Variants in LRRC4C observed in about 807,000 individuals in gnomAD.
LRRC4C encodes leucine rich repeat containing 4C, also known as leucine-rich repeat-containing protein 4C.
In LRRC4C, 5 loss-of-function variants were observed where a neutral mutation model predicts 33.6. That is an observed-to-expected ratio of 0.15 (90% CI 0.08 to 0.31). The LOEUF (loss-of-function observed/expected upper bound fraction) is 0.31. Among genes scored for constraint, LRRC4C ranks in the 10% least tolerant of loss-of-function variants. The pLI, the probability that LRRC4C is intolerant of heterozygous loss-of-function variation, is 1.00. For missense variants in LRRC4C, 560 were observed against 796.7 expected (o/e 0.70, Z 3.58); for synonymous variants, 329 against 302.0 (o/e 1.09, Z -0.93).
At chr11:40,417,224 G>A (rs1383275891) in intron 3 of LRRC4C, among the ~76,000 whole-genome samples, 3 of 152,112 alleles carry the variant, frequency 2.0e-5, no homozygotes, top group African/African-American at 7.2e-5. Context: ...CCGTAGTATG[G>A]TTTGATTATT....
At chr11:41,180,777 T>A (rs1945411245) in intron 1 of LRRC4C, among the ~76,000 whole-genome samples, 1 of 152,126 alleles carries the variant, frequency 6.6e-6, no homozygotes, top group Non-Finnish European at 1.5e-5. Context: ...TACAGATCTC[T>A]GTCCTGTTAG....
chr11:40,128,552 T>C (rs1168954962), intron 6 of LRRC4C, among the ~76,000 whole-genome samples: 3 of 152,214 alleles, frequency 2.0e-5, no homozygotes, highest in Admixed American at 2.0e-4. Context: ...ATGTTCATGC[T>C]ATTCTTTTAG....
chr11:40,702,175 T>C (rs1276088118), intron 2 of LRRC4C, among the ~76,000 whole-genome samples: 1 of 152,058 alleles, frequency 6.6e-6, no homozygotes, highest in Non-Finnish European at 1.5e-5. Context: ...CACAAGTATA[T>C]ATATATAATT....
At chr11:40,521,951 T>G (rs1955834088) in intron 3 of LRRC4C, among the ~76,000 whole-genome samples, 1 of 152,182 alleles carries the variant, frequency 6.6e-6, no homozygotes, top group Non-Finnish European at 1.5e-5. Flanking sequence ...CCCATTATGG[T>G]AAACATTTGC....
intron 1 of LRRC4C, among the ~76,000 whole-genome samples, chr11:41,455,221 AGT>A (rs952914950): frequency 3.9e-5 from 6 of 152,096 alleles, no homozygotes; most frequent in Admixed American, 3.3e-4. Context: ...ATAATTCCCA[AGT>A]GTAACTCAAA....
chr11:41,191,846 C>T (rs1238018925), intron 1 of LRRC4C, among the ~76,000 whole-genome samples: 4 of 152,108 alleles, frequency 2.6e-5, no homozygotes, highest in African/African-American at 7.2e-5. Flanking sequence ...GGGCACAGAT[C>T]CTAACTTTGG....
chr11:41,214,373 G>C (rs1443624196), intron 1 of LRRC4C, among the ~76,000 whole-genome samples: 1 of 151,802 alleles, frequency 6.6e-6, no homozygotes, highest in Admixed American at 6.6e-5. Context: ...CACCTTGCCT[G>C]GTTCTTAAAC....
intron 1 of LRRC4C, among the ~76,000 whole-genome samples, chr11:41,105,295 A>T (rs979198258): frequency 1.3e-5 from 2 of 152,016 alleles, no homozygotes; most frequent in Non-Finnish European, 2.9e-5. Context: ...ATTATTCTGA[A>T]TGCAGTCTAA....
chr11:41,078,935 C>T, intron 1 of LRRC4C, among the ~76,000 whole-genome samples: 1 of 152,186 alleles, frequency 6.6e-6, no homozygotes, highest in East Asian at 1.9e-4. Context: ...ATTGCAATAA[C>T]CTCCTAAAGT....
intron 2 of LRRC4C, among the ~76,000 whole-genome samples, chr11:40,798,103 G>A (rs1381549697): frequency 6.6e-6 from 1 of 152,140 alleles, no homozygotes; most frequent in African/African-American, 2.4e-5. Context: ...TTACTTGAAA[G>A]AGTCCCTGTT....
At chr11:41,055,976 G>T (rs1285458194) in intron 1 of LRRC4C, among the ~76,000 whole-genome samples, 2 of 152,042 alleles carry the variant, frequency 1.3e-5, no homozygotes, top group Non-Finnish European at 2.9e-5. Context: ...TTTCTTTCAG[G>T]TTATTCCACT....
chr11:40,249,155 T>C (rs1333199483), intron 4 of LRRC4C, among the ~76,000 whole-genome samples: 1 of 152,066 alleles, frequency 6.6e-6, no homozygotes, highest in Admixed American at 6.6e-5. Context: ...CTGGCCAACA[T>C]GGTGAAACCC....
At chr11:40,627,082 T>G (rs1447268066) in intron 3 of LRRC4C, among the ~76,000 whole-genome samples, 1 of 151,586 alleles carries the variant, frequency 6.6e-6, no homozygotes, top group Non-Finnish European at 1.5e-5. Context: ...CTGTTTTTTT[T>G]TTTTTTTTTT....
chr11:40,420,167 G>GA (rs1489685390), intron 3 of LRRC4C, among the ~76,000 whole-genome samples: 1 of 152,216 alleles, frequency 6.6e-6, no homozygotes, highest in African/African-American at 2.4e-5. Context: ...GTGACCGTTA[G>GA]AAAGCTTCAC....
chr11:40,147,046 A>G (rs1857795555), intron 5 of LRRC4C, among the ~76,000 whole-genome samples: 1 of 152,182 alleles, frequency 6.6e-6, no homozygotes, highest in Admixed American at 6.5e-5. Flanking sequence ...TTATGTCTAG[A>G]TTATCAGAAA....
intron 3 of LRRC4C, among the ~76,000 whole-genome samples, chr11:40,483,572 A>T (rs996797828): frequency 6.6e-6 from 1 of 152,126 alleles, no homozygotes; most frequent in South Asian, 2.1e-4. Flanking sequence ...ATCTAGGAAG[A>T]CTGAAATAGT....
At chr11:40,117,110 G>A (rs1454230975) in intron 6 of LRRC4C, among the ~76,000 whole-genome samples, 1 of 152,190 alleles carries the variant, frequency 6.6e-6, no homozygotes, top group Non-Finnish European at 1.5e-5. Flanking sequence ...TGTTTAGTAA[G>A]TATAAATCAG....
chr11:41,116,526 C>G (rs539354899), intron 1 of LRRC4C, among the ~76,000 whole-genome samples: 10 of 152,152 alleles, frequency 6.6e-5, no homozygotes, highest in African/African-American at 2.4e-4. Flanking sequence ...GAGCAAAATA[C>G]AGTAACAGTA....
At chr11:40,654,116 G>T (rs530359476) in intron 2 of LRRC4C, among the ~76,000 whole-genome samples, 13 of 152,200 alleles carry the variant, frequency 8.5e-5, no homozygotes, top group Non-Finnish European at 1.9e-4. Context: ...TTGCTGAGGG[G>T]CATAGCCCTC....
Sources: allele counts gnomAD v4.1 joint callset (sites outside exome capture counted in the v4.1 genomes callset), GRCh38; gene constraint gnomAD v4.1.1; transcripts MANE v1.5; gene names NCBI Gene and HGNC (gene_info 2026-07-23, HGNC 2026-07-21).